Variants in CHST11 observed in about 807,000 individuals in gnomAD.
CHST11 encodes carbohydrate sulfotransferase 11.
In CHST11, 9 loss-of-function variants were observed where a neutral mutation model predicts 30.4. That is an observed-to-expected ratio of 0.30 (90% confidence interval 0.18 to 0.52). The LOEUF (loss-of-function observed/expected upper bound fraction) is 0.52. CHST11 is among the 20% of genes least tolerant of loss of function. The pLI is 0.97. For missense variants in CHST11, 348 were observed against 460.6 expected (o/e 0.76, Z 2.24); for synonymous variants, 152 against 187.8 (o/e 0.81, Z 1.56).
At chr12:104,475,120 A>T (rs1404489668) in intron 1 of CHST11, among the ~76,000 whole-genome samples, 1 of 152,214 alleles carries the variant, frequency 6.6e-6, no homozygotes, top group Admixed American at 6.5e-5. Flanking sequence ...CATTTACATG[A>T]GGGTTAAATC....
At chr12:104,737,187 C>G (rs1261702477) in intron 2 of CHST11, among the ~76,000 whole-genome samples, 1 of 152,250 alleles carries the variant, frequency 6.6e-6, no homozygotes, top group Non-Finnish European at 1.5e-5. Flanking sequence ...TCCCTGTACC[C>G]AGAAGCCACG....
intron 2 of CHST11, among the ~76,000 whole-genome samples, chr12:104,707,364 A>C (rs1028145674): frequency 1.3e-5 from 2 of 152,258 alleles, no homozygotes; most frequent in Admixed American, 6.5e-5. Flanking sequence ...ATATCACTTT[A>C]GTGACTCATA....
At chr12:104,616,167 G>A (rs921809469) in intron 2 of CHST11, among the ~76,000 whole-genome samples, 2 of 152,090 alleles carry the variant, frequency 1.3e-5, no homozygotes, top group African/African-American at 2.4e-5. Flanking sequence ...ATCGTCTGCC[G>A]GATAATCTGC....
chr12:104,470,110 A>G (rs1300826438), intron 1 of CHST11, among the ~76,000 whole-genome samples: 3 of 152,192 alleles, frequency 2.0e-5, no homozygotes, highest in African/African-American at 7.2e-5. Flanking sequence ...GAGGCCAGGG[A>G]TGCTGTTAAA....
chr12:104,522,319 G>C (rs1251047779), intron 1 of CHST11, among the ~76,000 whole-genome samples: 1 of 152,204 alleles, frequency 6.6e-6, no homozygotes, highest in Non-Finnish European at 1.5e-5. Flanking sequence ...ATGGGCATCA[G>C]TGTGCCACCC....
At chr12:104,562,376 A>C (rs1159643450) in intron 1 of CHST11, among the ~76,000 whole-genome samples, 1 of 152,108 alleles carries the variant, frequency 6.6e-6, no homozygotes, top group Non-Finnish European at 1.5e-5. Context: ...GCAGCTCTGT[A>C]AACACAGAGA....
intron 2 of CHST11, among the ~76,000 whole-genome samples, chr12:104,710,493 C>T (rs2040078124): frequency 6.6e-6 from 1 of 152,118 alleles, no homozygotes; most frequent in African/African-American, 2.4e-5. Context: ...ACTGGAAATC[C>T]ATCCTATACC....
chr12:104,686,505 C>T (rs2039847786), intron 2 of CHST11, among the ~76,000 whole-genome samples: 1 of 152,176 alleles, frequency 6.6e-6, no homozygotes, highest in African/African-American at 2.4e-5. Context: ...TACTATGTGT[C>T]ACTTCCTGTT....
chr12:104,731,473 G>C (rs2040257326), intron 2 of CHST11, among the ~76,000 whole-genome samples: 1 of 152,202 alleles, frequency 6.6e-6, no homozygotes, highest in South Asian at 2.1e-4. Flanking sequence ...GCTTCTCCCG[G>C]TTTTATTTTG....
At chr12:104,537,747 G>A (rs2038251063) in intron 1 of CHST11, among the ~76,000 whole-genome samples, 1 of 144,266 alleles carries the variant, frequency 6.9e-6, no homozygotes, top group South Asian at 2.2e-4. Flanking sequence ...CTAGGCTGGA[G>A]TGCAGTGATG....
chr12:104,591,587 A>G (rs1168120080), intron 1 of CHST11: 1 of 153,738 alleles, frequency 6.5e-6, no homozygotes, highest in African/African-American at 2.4e-5. Flanking sequence ...CTCTTTATCA[A>G]TGTTTAACAT....
intron 2 of CHST11, among the ~76,000 whole-genome samples, chr12:104,654,923 A>G (rs535346878): frequency 8.5e-4 from 129 of 152,154 alleles, no homozygotes; most frequent in African/African-American, 3.1e-3. Context: ...TAGCATCCTC[A>G]TTATAATGAC....
chr12:104,648,809 CA>C (rs566126985), intron 2 of CHST11, among the ~76,000 whole-genome samples: 3 of 151,190 alleles, frequency 2.0e-5, no homozygotes, highest in African/African-American at 7.3e-5. Context: ...GCGAGACTCT[CA>C]AAAAAAATAG....
At chr12:104,582,600 A>G (rs75927615) in intron 1 of CHST11, among the ~76,000 whole-genome samples, 3,901 of 152,200 alleles carry the variant, frequency 0.026, 171 homozygotes, top group African/African-American at 0.088. Flanking sequence ...CATGGGGCCA[A>G]TCACTGTTGG....
At chr12:104,536,637 C>T (rs992574297) in intron 1 of CHST11, among the ~76,000 whole-genome samples, 1 of 152,208 alleles carries the variant, frequency 6.6e-6, no homozygotes. Flanking sequence ...CTTTTCATTG[C>T]TCTGCCTTGC....
intron 1 of CHST11, among the ~76,000 whole-genome samples, chr12:104,477,328 G>A (rs544126425): frequency 6.6e-6 from 1 of 152,260 alleles, no homozygotes; most frequent in South Asian, 2.1e-4. Flanking sequence ...GTAGTTGGTG[G>A]AGCTCGGATG....
rs1565962596 is a variant in CHST11, at chr12:104,494,744, CA to C, written c.118+37216del. Among the ~76,000 whole-genome samples, 3 of 152,108 alleles carry C rather than the reference CA, an allele frequency of 2.0e-5. No individual in the cohort carries two copies. The East Asian group carries it at 5.8e-4, about 29-fold the overall frequency. ...GGCATCTAGAGTTCATTTTGTAAAA[CA>C]CTTAAACAATTCAGGGTGTTTTGTT... On this transcript the variant is annotated intron_variant, in intron 1 of 2. Coordinates refer to ENST00000303694, the MANE Select transcript of CHST11 (RefSeq NM_018413.6).
At chr12:104,713,796 G>A (rs1488880610) in intron 2 of CHST11, among the ~76,000 whole-genome samples, 2 of 152,178 alleles carry the variant, frequency 1.3e-5, no homozygotes, top group Non-Finnish European at 1.5e-5. Context: ...CTTCCTAACC[G>A]GTTTTCTCCC....
At chr12:104,652,044 C>G (rs1431027164) in intron 2 of CHST11, among the ~76,000 whole-genome samples, 1 of 152,194 alleles carries the variant, frequency 6.6e-6, no homozygotes, top group Non-Finnish European at 1.5e-5. Context: ...GATAATTATA[C>G]CCACTTAGCA....
Sources: gnomAD v4.1 joint callset for allele counts (sites outside exome capture counted in the v4.1 genomes callset) on GRCh38, gnomAD v4.1.1 for gene constraint, MANE v1.5 for transcripts, NCBI Gene and HGNC (gene_info 2026-07-23, HGNC 2026-07-21) for gene names.